The following GRID2 variants were observed in gnomAD, a reference collection of about 807,000 sequenced individuals.
GRID2 encodes the protein glutamate ionotropic receptor delta type subunit 2.
A neutral mutation model predicts 114.8 loss-of-function variants in GRID2; 33 were observed. The ratio of observed to expected loss-of-function variants is 0.29; its 90% CI spans 0.22 to 0.38. GRID2 has a LOEUF of 0.38. Ranked by LOEUF, GRID2 falls within the 10% of genes least tolerant of loss-of-function variation. The pLI is 1.00. For synonymous variants in GRID2, 505 were observed against 449.9 expected, an observed-to-expected ratio of 1.12 and a Z score of -1.55; for missense variants, 1,184 against 1,257.7, an observed-to-expected ratio of 0.94 and a Z score of 0.89.
intron 2 of GRID2, among the ~76,000 whole-genome samples, chr4:93,075,593 G>T (rs935018030): frequency 2.6e-5 from 4 of 152,082 alleles, no homozygotes; most frequent in African/African-American, 9.7e-5. Context: ...AAGGAAACTA[G>T]AAGAAGTGAG....
In GRID2 at chr4:92,920,803, G is replaced by C. The variant is rs550015645; in HGVS notation, c.245-164192G>C. Among the ~76,000 whole-genome samples the C allele has an allele frequency of 7.2e-5, 11 of 152,076 alleles. No individual in the cohort carries two copies. In the South Asian group the frequency reaches 2.1e-3, roughly 29 times the overall value. On this transcript the variant is annotated intron_variant, in intron 2 of 15. Transcript: ENST00000282020. ...ACATTTTTTCCTTCATTTTAATTTT[G>C]GTGAATCTGACAATTATGTGTCTTG...
chr4:93,798,068 G>A (rs971909642), intron 1 of GRID2, among the ~76,000 whole-genome samples: 6 of 152,142 alleles, frequency 3.9e-5, no homozygotes, highest in African/African-American at 1.4e-4. Context: ...CAGGAGAATT[G>A]CTTGAACTTG....
chr4:93,439,088 G>C (rs1197610903), intron 10 of GRID2, among the ~76,000 whole-genome samples: 2 of 152,008 alleles, frequency 1.3e-5, no homozygotes, highest in Admixed American at 6.6e-5. Context: ...ATCGTTGTTG[G>C]ACATTTGGGT....
At chr4:93,518,132 C>A (rs1301614321) in intron 13 of GRID2, among the ~76,000 whole-genome samples, 1 of 150,570 alleles carries the variant, frequency 6.6e-6, no homozygotes, top group Non-Finnish European at 1.5e-5. Flanking sequence ...CCAGGAAGGC[C>A]TGCATCACTG....
At chr4:92,870,267 G>GACACACAC (rs370794678) in intron 2 of GRID2, among the ~76,000 whole-genome samples, 4 of 144,556 alleles carry the variant, frequency 2.8e-5, no homozygotes, top group African/African-American at 1.0e-4. Flanking sequence ...ACATTATACG[G>GACACACAC]ACACACACAC....
chr4:93,038,397 CAT>C (rs1295389122), intron 2 of GRID2, among the ~76,000 whole-genome samples: 5 of 152,120 alleles, frequency 3.3e-5, no homozygotes, highest in African/African-American at 1.2e-4. Context: ...AGCCAACAAA[CAT>C]ATGAAAAAGA....
chr4:92,708,102 G>C (rs1735042208), intron 2 of GRID2, among the ~76,000 whole-genome samples: 1 of 152,124 alleles, frequency 6.6e-6, no homozygotes, highest in Admixed American at 6.6e-5. Context: ...GGGAAGAAAG[G>C]TGCCCATGAA....
chr4:92,977,906 T>G (rs1228483328), intron 2 of GRID2, among the ~76,000 whole-genome samples: 1 of 152,150 alleles, frequency 6.6e-6, no homozygotes, highest in Non-Finnish European at 1.5e-5. Context: ...TGATACAGAA[T>G]TATTTTCACA....
intron 1 of GRID2, among the ~76,000 whole-genome samples, chr4:92,309,914 G>A (rs1487824620): frequency 1.3e-5 from 2 of 151,854 alleles, no homozygotes. Context: ...GCTTCTAACG[G>A]TGGTAGCTCT....
intron 8 of GRID2, among the ~76,000 whole-genome samples, chr4:93,275,311 G>A (rs1164077220): frequency 6.6e-6 from 1 of 151,580 alleles, no homozygotes; most frequent in Admixed American, 6.6e-5. Flanking sequence ...TTTATCCATT[G>A]ATTAATTAAT....
intron 1 of GRID2, among the ~76,000 whole-genome samples, chr4:92,324,114 G>T (rs1483298100): frequency 6.6e-6 from 1 of 151,916 alleles, no homozygotes; most frequent in Non-Finnish European, 1.5e-5. Context: ...AATGTAAGAG[G>T]TAACTAACCC....
At chr4:92,980,703 A>G (rs948359030) in intron 2 of GRID2, among the ~76,000 whole-genome samples, 3 of 152,110 alleles carry the variant, frequency 2.0e-5, no homozygotes, top group Non-Finnish European at 2.9e-5. Flanking sequence ...ATTATTCTTC[A>G]TATATATTAT....
chr4:92,677,916 C>T (rs893948749), intron 2 of GRID2, among the ~76,000 whole-genome samples: 1 of 152,180 alleles, frequency 6.6e-6, no homozygotes, highest in East Asian at 1.9e-4. Flanking sequence ...TCCTTCACTA[C>T]TGAAAATTCA....
At chr4:93,342,095 T>C (rs565336601) in intron 8 of GRID2, among the ~76,000 whole-genome samples, 87 of 152,234 alleles carry the variant, frequency 5.7e-4, no homozygotes, top group Admixed American at 1.2e-3. Flanking sequence ...GATAGCATCT[T>C]ATACTGCAAA....
chr4:92,613,642 A>G (rs1306755990), intron 2 of GRID2, among the ~76,000 whole-genome samples: 1 of 151,430 alleles, frequency 6.6e-6, no homozygotes, highest in Non-Finnish European at 1.5e-5. Context: ...GTGTCTTTCT[A>G]GGAATTTGTC....
At chr4:92,531,967 T>C (rs1725380755) in intron 1 of GRID2, among the ~76,000 whole-genome samples, 1 of 152,140 alleles carries the variant, frequency 6.6e-6, no homozygotes, top group African/African-American at 2.4e-5. Flanking sequence ...TGCCAATGTG[T>C]GTGTAGGAAC....
intron 1 of GRID2, among the ~76,000 whole-genome samples, chr4:92,372,964 A>C (rs1027159557): frequency 6.6e-6 from 1 of 152,182 alleles, no homozygotes; most frequent in Non-Finnish European, 1.5e-5. Flanking sequence ...GACTACCAGA[A>C]ACTCATCTTT....
intron 2 of GRID2, among the ~76,000 whole-genome samples, chr4:92,741,178 T>C (rs1475900939): frequency 1.3e-5 from 2 of 152,166 alleles, no homozygotes; most frequent in Non-Finnish European, 2.9e-5. Context: ...GTCCCATGAA[T>C]TTCCGGTGCC....
intron 1 of GRID2, among the ~76,000 whole-genome samples, chr4:93,781,148 G>A (rs775877249): frequency 1.3e-4 from 20 of 152,208 alleles, no homozygotes; most frequent in Non-Finnish European, 2.4e-4. Context: ...CCTTGAATTA[G>A]AGGGCTTGGG....
Sources: allele counts gnomAD v4.1 joint callset (sites outside exome capture counted in the v4.1 genomes callset), GRCh38; gene constraint gnomAD v4.1.1; transcripts MANE v1.5; gene names NCBI Gene and HGNC (gene_info 2026-07-23, HGNC 2026-07-21).